Variants in NUP155 observed in about 807,000 individuals in gnomAD.
The protein encoded by NUP155 is nuclear pore complex protein Nup155.
In NUP155, 71 loss-of-function variants were observed where a neutral mutation model predicts 180.4. That is an observed-to-expected ratio of 0.39 (90% CI 0.33 to 0.48). The LOEUF is 0.48. Among genes scored for constraint, NUP155 ranks in the 20% least tolerant of loss-of-function variants. The pLI, the probability that NUP155 is intolerant of heterozygous loss-of-function variation, is 0.91. For synonymous variants in NUP155, 582 were observed against 559.5 expected (o/e 1.04, Z -0.57); for missense variants, 1,553 against 1,648.9 (o/e 0.94, Z 1.01).
At chr5:37,360,109 C>T (rs1360272111) in intron 3 of NUP155, among the ~76,000 whole-genome samples, 1 of 151,262 alleles carries the variant, frequency 6.6e-6, no homozygotes, top group African/African-American at 2.4e-5. Context: ...CAGAGCGAGA[C>T]TCTGTCTCAA....
chr5:37,292,964 T>C lies in NUP155; in HGVS notation c.3952A>G (p.Lys1318Glu). The C allele has an allele frequency of 6.2e-7, 1 of 1,608,190 alleles. No homozygotes were observed. Among genetic ancestry groups the C allele is most frequent in the East Asian group, 2.2e-5 (1 of 44,696 alleles). ...CAATCCAAAAGGTGCAGTGGCTTCTTCATTCTGTTCCAGAATGGATCCTAT... is the reference window on the plus strand; with the variant it reads ...CAATCCAAAAGGTGCAGTGGCTTCTCCATTCTGTTCCAGAATGGATCCTAT... ...KSRDPFWNRMKKPLHLLDCIH... is the reference protein window; with the variant it reads ...KSRDPFWNRMEKPLHLLDCIH... Residue 1318 changes from lysine (K) to glutamate (E), a missense_variant, in exon 34 of 35, where the codon AAG becomes GAG. By Grantham distance (56) the Lys-to-Glu change is moderately conservative. Coordinates refer to ENST00000231498, the MANE Select transcript of NUP155 (RefSeq NM_153485.3).
At chr5:37,329,079 T>C in intron 16 of NUP155, 111 bp downstream of exon 16, 1 of 757,736 alleles carries the variant, frequency 1.3e-6, no homozygotes, top group East Asian at 2.7e-5. Flanking sequence ...TCATCAATTA[T>C]ACAATAGCAG....
chr5:37,298,889 T>C lies in NUP155; in HGVS notation c.3772A>G (p.Thr1258Ala), dbSNP rs374698290. The change falls in exon 32 of 35, where the codon ACA becomes GCA. Residue 1258 changes from threonine (T) to alanine (A), a missense_variant. Physicochemically the swap from Thr to Ala is moderately conservative, Grantham distance 58 (BLOSUM62 0). Transcript: ENST00000231498. ...TTACCTAAAGGAAAGAAGCGTGGTG[T>C]GCCAGCATAAATTTTGCCAAGGAGA... Reference protein sequence around the residue: ...IVLLGKIYAGTPRFFPLDFIV... With the variant: ...IVLLGKIYAGAPRFFPLDFIV... 9.3e-6 allele frequency: 15 copies of C among 1,606,814 alleles called. No homozygotes were observed. The highest frequency in any genetic ancestry group is 1.3e-5 in the Non-Finnish European group (15 of 1,173,520).
chr5:37,367,654 T>C (rs1432199945), intron 1 of NUP155, among the ~76,000 whole-genome samples: 1 of 151,028 alleles, frequency 6.6e-6, no homozygotes, highest in Non-Finnish European at 1.5e-5. Flanking sequence ...TGTCTCAGCC[T>C]CCGGAGTAGC....
intron 31 of NUP155, 80 bp downstream of exon 31, chr5:37,299,368 A>G (rs1246779862): frequency 5.2e-6 from 8 of 1,535,786 alleles, no homozygotes; most frequent in African/African-American, 1.4e-5. Context: ...AGCTTGCATT[A>G]TATTAGTTAC....
intron 13 of NUP155, 110 bp from the exon 14 acceptor site, chr5:37,331,905 C>G (rs993330152): frequency 6.7e-6 from 5 of 742,492 alleles, no homozygotes; most frequent in Admixed American, 2.0e-5. Flanking sequence ...AAAAACCATT[C>G]AACAATACAA....
rs1742857285 is a variant in NUP155 at position 37,301,472 on chromosome 5, A to T, written c.3526T>A (p.Ser1176Thr). 1 of 1,613,478 alleles carries T rather than the reference A, an allele frequency of 6.2e-7. No individual in the cohort carries two copies. Among genetic ancestry groups the T allele is most frequent in the Non-Finnish European group, 8.5e-7 (1 of 1,179,404 alleles). ...TCCATCAGCTCAGAATCCAGCTGAGAAACTGCATCCTGTACAGAAGAATGA... is the reference window on the plus strand; with the variant it reads ...TCCATCAGCTCAGAATCCAGCTGAGTAACTGCATCCTGTACAGAAGAATGA... ...SHHSSVQDAV[S>T]QLDSELMDIT... The change falls in exon 30 of 35, where the codon TCT (serine) becomes ACT (threonine). Residue 1176 changes from serine to threonine, a missense_variant. Transcript: ENST00000231498.
At chr5:37,313,437 A>G (rs1036607788) in intron 22 of NUP155, among the ~76,000 whole-genome samples, 5 of 151,490 alleles carry the variant, frequency 3.3e-5, no homozygotes, top group African/African-American at 9.7e-5. Context: ...TAAAAAAAAA[A>G]AAAAGAAAAC....
chr5:37,358,312 AC>A (rs1221726866), intron 3 of NUP155, among the ~76,000 whole-genome samples, 161 bp from the exon 4 acceptor site: 2 of 152,108 alleles, frequency 1.3e-5, no homozygotes, highest in African/African-American at 2.4e-5. Context: ...GACTGTCTCT[AC>A]AAAAAAGAAA....
At chr5:37,309,579 G>A (rs1743397932) in intron 23 of NUP155, 1 of 258,452 alleles carries the variant, frequency 3.9e-6, no homozygotes, top group Non-Finnish European at 7.5e-6. Context: ...CCACCTGTAG[G>A]AAAGGATCAA....
At chr5:37,297,994 T>G (rs1019706233) in intron 32 of NUP155, among the ~76,000 whole-genome samples, 1 of 151,008 alleles carries the variant, frequency 6.6e-6, no homozygotes, top group Non-Finnish European at 1.5e-5. Flanking sequence ...TCCCAGCACC[T>G]TGGGAGGCCA....
At chr5:37,355,588 T>C (rs991162116) in intron 4 of NUP155, among the ~76,000 whole-genome samples, 7 of 147,770 alleles carry the variant, frequency 4.7e-5, no homozygotes, top group Admixed American at 1.4e-4. Context: ...TTTGTTTGTT[T>C]GTTTTTCAGA....
chr5:37,290,359 C>T lies in NUP155; in HGVS notation c.*1541G>A, dbSNP rs967424337. 1.3e-5 allele frequency: 2 copies of T among 152,008 alleles called. No individual in the cohort carries two copies. The highest frequency in any genetic ancestry group is 4.8e-5 in the African/African-American group (2 of 41,350). The allele number at this position is 152,008 out of a possible 1,614,324, so 9.4% of individuals were successfully genotyped here. Reference sequence around the variant, plus strand: ...GGGTATGGTGGCGCACACCTGCAATCCCAGCTACTCGAGAGGCTGAGGCAG... The same window carrying T: ...GGGTATGGTGGCGCACACCTGCAATTCCAGCTACTCGAGAGGCTGAGGCAG... On this transcript the variant is annotated 3_prime_UTR_variant, in exon 35 of 35. Transcript: ENST00000231498.
At position 37,323,322 on chromosome 5, in the gene NUP155, A is replaced by G. The variant is rs369849760; in HGVS notation, c.2207+670T>C. 6.6e-5 allele frequency among the ~76,000 whole-genome samples: 10 copies of G among 152,296 alleles called. No individual in the cohort carries two copies. In the South Asian group the frequency reaches 1.2e-3, roughly 19 times the overall value. On this transcript the variant is annotated intron_variant, in intron 20 of 34. Transcript: ENST00000231498. Reference sequence around the variant, plus strand: ...CACAAAAACTTGTACAGGAATGCTCATATCAGCATTCTTATTAGCCAAAAA... The same window carrying G: ...CACAAAAACTTGTACAGGAATGCTCGTATCAGCATTCTTATTAGCCAAAAA...
At chr5:37,368,092 A>G (rs1747719936) in intron 1 of NUP155, among the ~76,000 whole-genome samples, 1 of 151,574 alleles carries the variant, frequency 6.6e-6, no homozygotes, top group Non-Finnish European at 1.5e-5. Flanking sequence ...CTTTTTGTAG[A>G]GACAGGGTTT....
At chr5:37,368,753 G>A (rs988127378) in intron 1 of NUP155, among the ~76,000 whole-genome samples, 1 of 152,048 alleles carries the variant, frequency 6.6e-6, no homozygotes, top group Non-Finnish European at 1.5e-5. Flanking sequence ...GGTGGAGGCC[G>A]TAGTGAGCCA....
At chr5:37,292,456 C>T (rs557083552) in intron 34 of NUP155, among the ~76,000 whole-genome samples, 1 of 152,090 alleles carries the variant, frequency 6.6e-6, no homozygotes, top group African/African-American at 2.4e-5. Flanking sequence ...ACCTCATGAT[C>T]CGCCCATCTC....
intron 12 of NUP155, among the ~76,000 whole-genome samples, chr5:37,335,089 T>C (rs1362558087): frequency 6.9e-6 from 1 of 144,608 alleles, no homozygotes; most frequent in Admixed American, 7.3e-5. Context: ...GCCCGGGAGA[T>C]GGAGGTTGCA....
rs369621072 is a variant in NUP155 at position 37,325,933 on chromosome 5, T to G, written c.2059A>C (p.Ile687Leu). Reference sequence around the variant, plus strand: ...ATCTCTCTGTTGCCACTCTTGAATATTCTCTCCACAACTAAGCTTGCATCC... The same window carrying G: ...ATCTCTCTGTTGCCACTCTTGAATAGTCTCTCCACAACTAAGCTTGCATCC... Reference protein sequence around the residue: ...IWDASLVVERIFKSGNREITA... With the variant: ...IWDASLVVERLFKSGNREITA... Residue 687 changes from isoleucine (I) to leucine (L), a missense_variant, in exon 19 of 35, where the codon ATA becomes CTA. Coordinates refer to ENST00000231498, the MANE Select transcript of NUP155 (RefSeq NM_153485.3). 6.2e-7 allele frequency: 1 copy of G among 1,611,700 alleles called. No individual in the cohort carries two copies.
Sources: gnomAD v4.1 joint callset for allele counts (sites outside exome capture counted in the v4.1 genomes callset) on GRCh38, gnomAD v4.1.1 for gene constraint, MANE v1.5 for transcripts, NCBI Gene and HGNC (gene_info 2026-07-23, HGNC 2026-07-21) for gene names.